CPLANE1: variants seen among roughly 807,000 people sequenced by gnomAD.
CPLANE1 encodes ciliogenesis and planar polarity effector 1.
Under a neutral mutation model 362.5 loss-of-function variants are expected in CPLANE1, and 263 were observed. That is an observed-to-expected ratio of 0.73 (90% CI 0.66 to 0.80). CPLANE1 has a LOEUF of 0.80. Ranked by LOEUF, CPLANE1 falls within the 30% of genes least tolerant of loss-of-function variation. The pLI is 0.00. For synonymous variants in CPLANE1, 1,212 were observed against 1,302.6 expected (o/e 0.93, Z 1.50); for missense variants, 3,461 against 3,793.4 (o/e 0.91, Z 2.30).
intron 38 of CPLANE1, among the ~76,000 whole-genome samples, chr5:37,159,810 T>C (rs1010671079): frequency 6.6e-6 from 1 of 152,204 alleles, no homozygotes; most frequent in African/African-American, 2.4e-5. Flanking sequence ...AGCTTTGGCA[T>C]AATGCAGATA....
chr5:37,138,953 T>C (rs1580080316), intron 45 of CPLANE1, 105 bp from the exon 46 acceptor site: 2 of 973,932 alleles, frequency 2.1e-6, no homozygotes, highest in East Asian at 5.0e-5. Flanking sequence ...GATAAACATA[T>C]ATCTACTGTT....
chr5:37,118,392 C>T (rs1761646125), intron 50 of CPLANE1, among the ~76,000 whole-genome samples: 1 of 136,528 alleles, frequency 7.3e-6, no homozygotes, highest in Non-Finnish European at 1.5e-5. Context: ...GGGCAACACA[C>T]TGTGTCTCAA....
chr5:37,119,013 A>G lies in CPLANE1; in HGVS notation c.9310+1203T>C, dbSNP rs1761874463. 2.0e-5 allele frequency among the ~76,000 whole-genome samples: 3 copies of G among 152,018 alleles called. No homozygotes were observed. The South Asian group carries it at 6.2e-4, about 32-fold the overall frequency. The stretch of plus-strand genomic sequence containing the variant: ...AGGCGTGAGCCACCGCGCCGGGCCT[A>G]TTTTACATTTTTAAATGTATACATT... On this transcript the variant is annotated intron_variant, in intron 50 of 52. Transcript: ENST00000651892.
intron 41 of CPLANE1, among the ~76,000 whole-genome samples, chr5:37,156,454 A>G (rs559642983): frequency 5.3e-5 from 8 of 152,102 alleles, no homozygotes; most frequent in African/African-American, 1.9e-4. Context: ...AAATTTTAAA[A>G]ATTAGCTAGG....
chr5:37,146,721 T>C (rs1310734839), intron 43 of CPLANE1, among the ~76,000 whole-genome samples: 4 of 152,034 alleles, frequency 2.6e-5, no homozygotes, highest in Non-Finnish European at 5.9e-5. Flanking sequence ...AAAAAGGGAT[T>C]GGCCATGAGT....
At chr5:37,110,310 T>G (rs1758788105) in intron 51 of CPLANE1, among the ~76,000 whole-genome samples, 1 of 152,202 alleles carries the variant, frequency 6.6e-6, no homozygotes, top group Non-Finnish European at 1.5e-5. Flanking sequence ...GTACCAGGAC[T>G]CTGAACTTTC....
chr5:37,225,257 GT>G (rs983800964), intron 12 of CPLANE1, among the ~76,000 whole-genome samples: 8 of 147,892 alleles, frequency 5.4e-5, no homozygotes, highest in East Asian at 2.0e-4. Context: ...GCACCACACT[GT>G]TTTTTTTTTC....
At chr5:37,081,469 C>A in the CPLANE1 span, among the ~76,000 whole-genome samples, 1 of 151,842 alleles carries the variant, frequency 6.6e-6, no homozygotes, top group Admixed American at 6.6e-5. Flanking sequence ...ACTACAGGCA[C>A]GTACCATCAC....
At position 37,180,085 on chromosome 5, in the gene CPLANE1, T is replaced by A; in HGVS notation, c.5669A>T (p.Asp1890Val). The change falls in exon 28 of 53, where the codon GAT becomes GTT. Residue 1890 changes from aspartate (D) to valine (V), a missense_variant. Coordinates refer to ENST00000651892, the MANE Select transcript of CPLANE1 (RefSeq NM_001384732.1). ...HNTKKEFIDI[D>V]ENLLEVEAFT... ...TGCTTCTACTTCTAAAAGATTCTCA[T>A]CAATATCTATAAATTCTTTTTTAGT... is the stretch of plus-strand genomic sequence containing the variant. The A allele has an allele frequency of 1.3e-6, 2 of 1,568,000 alleles. No homozygotes were observed. Among genetic ancestry groups the A allele is most frequent in the Middle Eastern group, 1.7e-4 (1 of 5,884 alleles).
chr5:37,142,492 TA>T lies in CPLANE1; in HGVS notation c.8462-13del, dbSNP rs1770072337. ...GGTCAAAAAACGCACTAATCCAGAG[TA>T]TATATTACAATTAAAATAAAATAGT... On this transcript the variant is annotated splice_polypyrimidine_tract_variant and intron_variant, in intron 43 of 52. Coordinates refer to ENST00000651892, the MANE Select transcript of CPLANE1 (RefSeq NM_001384732.1). 1.4e-6 allele frequency: 2 copies of T among 1,465,608 alleles called. No homozygotes were observed. Among genetic ancestry groups the T allele is most frequent in the Admixed American group, 2.4e-5 (1 of 41,492 alleles). The allele number at this position is 1,465,608 out of a possible 1,614,324, so 90.8% of individuals were successfully genotyped here.
chr5:37,234,592 G>A (rs768537233), intron 8 of CPLANE1, among the ~76,000 whole-genome samples: 108 of 150,802 alleles, frequency 7.2e-4, no homozygotes, highest in Non-Finnish European at 1.5e-3. Flanking sequence ...ATTCCTGAAG[G>A]GTAAGAGAGA....
At chr5:37,180,723 A>T (rs1267486693) in intron 27 of CPLANE1, 134 bp downstream of exon 27, 1 of 713,898 alleles carries the variant, frequency 1.4e-6, no homozygotes, top group African/African-American at 1.8e-5. Context: ...CACCTCAGAA[A>T]GCTCACTGCC....
chr5:37,185,039 A>G lies in CPLANE1; in HGVS notation c.4230T>C (p.Ser1410=), dbSNP rs571145214. 3 of 1,613,920 alleles carry G rather than the reference A, an allele frequency of 1.9e-6. No individual in the cohort carries two copies. The highest frequency in any genetic ancestry group is 2.7e-5 in the African/African-American group (2 of 75,028). ...GAGCTTTCACCCTCACTTTCTGGAT[A>G]GAATGCATGACAACAGACATCATTT... The part of the protein sequence containing the change: ...TEEMMSVVMH[S]IQKVRVKALK... Residue 1410 remains serine (S), a synonymous_variant, in exon 25 of 53, where the codon TCT becomes TCC. Transcript: ENST00000651892.
intron 5 of CPLANE1, among the ~76,000 whole-genome samples, chr5:37,244,131 T>G (rs1738683656): frequency 6.6e-6 from 1 of 152,126 alleles, no homozygotes; most frequent in Admixed American, 6.6e-5. Flanking sequence ...AATACAGGCG[T>G]GAGCCACCGC....
At chr5:37,192,853 C>CA (rs1167999028) in intron 21 of CPLANE1, among the ~76,000 whole-genome samples, 7,643 of 74,764 alleles carry the variant, frequency 0.1, 393 homozygotes, top group African/African-American at 0.18. Flanking sequence ...TAGACTCCAT[C>CA]AAAAAAAAAA....
At chr5:37,225,852 CAAAAAAA>C (rs70976285) in intron 12 of CPLANE1, among the ~76,000 whole-genome samples, 13 of 57,780 alleles carry the variant, frequency 2.2e-4, no homozygotes, top group African/African-American at 6.9e-4. Context: ...TACTCCATCT[CAAAAAAA>C]AAAAAAAAAA....
At position 37,186,393 on chromosome 5, in the gene CPLANE1, ACCTTC is replaced by A; in HGVS notation, c.4081-4_4081del. The A allele has an allele frequency of 6.8e-7, 1 of 1,469,142 alleles. No homozygotes were observed. The highest frequency in any genetic ancestry group is 1.7e-5 in the Admixed American group (1 of 57,590). The allele number at this position is 1,469,142 out of a possible 1,614,324, so 91.0% of individuals were successfully genotyped here. Reference sequence around the variant, plus strand: ...AAATGCTTTCACGAAAATTTCTGCTACCTTCAGAAAAAAAATTGTTTAAGTTTTAT... The same window carrying A: ...AAATGCTTTCACGAAAATTTCTGCTAAGAAAAAAAATTGTTTAAGTTTTAT... On this transcript the variant is annotated splice_acceptor_variant and splice_polypyrimidine_tract_variant and coding_sequence_variant and intron_variant, in exon 24 of 53. Transcript: ENST00000651892.
intron 44 of CPLANE1, chr5:37,139,865 C>T (rs1769130015): frequency 2.0e-6 from 2 of 985,630 alleles, no homozygotes; most frequent in Non-Finnish European, 2.4e-6. Context: ...AAGATTATTA[C>T]TTTTTCTATC....
At chr5:37,082,497 T>C in the CPLANE1 span, among the ~76,000 whole-genome samples, 1 of 151,886 alleles carries the variant, frequency 6.6e-6, no homozygotes, top group African/African-American at 2.4e-5. Flanking sequence ...CAAAGACCAA[T>C]GGAACAAAAC....
Sources: gnomAD v4.1 joint callset for allele counts (sites outside exome capture counted in the v4.1 genomes callset) on GRCh38, gnomAD v4.1.1 for gene constraint, MANE v1.5 for transcripts, NCBI Gene and HGNC (gene_info 2026-07-23, HGNC 2026-07-21) for gene names.